The following ZDHHC15 variants were observed in gnomAD, a reference collection of about 807,000 sequenced individuals.
The protein encoded by ZDHHC15 is zDHHC palmitoyltransferase 15.
ZDHHC15 carries 19 observed loss-of-function variants against 31.7 expected under a neutral mutation model. The ratio of observed to expected loss-of-function variants is 0.60; its 90% CI spans 0.42 to 0.88. The LOEUF (loss-of-function observed/expected upper bound fraction) is 0.88. ZDHHC15 is among the 40% of genes least tolerant of loss of function. The probability of loss-of-function intolerance (pLI) is 0.00; values close to 1 mark genes in which losing one functional copy is unlikely to be tolerated. For missense variants in ZDHHC15, 209 were observed against 251.2 expected (o/e 0.83, Z 1.14); for synonymous variants, 103 against 90.0 (o/e 1.14, Z -0.82).
chrX:75,402,125 T>C (rs1332557388), intron 10 of ZDHHC15, among the ~76,000 whole-genome samples: 1 of 112,251 alleles, frequency 8.9e-6, no homozygotes, highest in Admixed American at 9.4e-5. Context: ...TTAAACAACA[T>C]GCTCCTGAAT....
At chrX:75,432,633 T>C (rs767718885) in intron 4 of ZDHHC15, among the ~76,000 whole-genome samples, 1 of 111,368 alleles carries the variant, frequency 9.0e-6, no homozygotes, top group Non-Finnish European at 1.9e-5. Context: ...TCTGCTTTCA[T>C]ACTTGCCCCT....
intron 4 of ZDHHC15, among the ~76,000 whole-genome samples, chrX:75,447,031 C>T (rs758608963): frequency 8.9e-6 from 1 of 112,013 alleles, no homozygotes; most frequent in Non-Finnish European, 1.9e-5. Flanking sequence ...AGTTACTGCC[C>T]AATGGGCTCA....
In ZDHHC15 at chrX:75,404,014, G is replaced by C. The variant is rs190384828; in HGVS notation, c.967+13073C>G. Among the ~76,000 whole-genome samples, 3 of 111,705 alleles carry C rather than the reference G, an allele frequency of 2.7e-5. No individual in the cohort carries two copies. In the East Asian group the frequency reaches 8.4e-4, roughly 31 times the overall value. ...ACAGTGACAAAAACAGCATAGTACT[G>C]GTACAAAAACAGGCACATAGACCAA... On this transcript the variant is annotated intron_variant, in intron 10 of 11. Coordinates refer to ENST00000373367, the MANE Select transcript of ZDHHC15 (RefSeq NM_144969.3).
At chrX:75,412,909 G>A (rs1382971411) in intron 10 of ZDHHC15, among the ~76,000 whole-genome samples, 2 of 111,749 alleles carry the variant, frequency 1.8e-5, no homozygotes, top group Non-Finnish European at 3.8e-5. Context: ...CCAGAGGCAG[G>A]CAGGGTTGGG....
chrX:75,507,948 T>C lies in ZDHHC15; in HGVS notation c.137-2101A>G, dbSNP rs57779423. Among the ~76,000 whole-genome samples the C allele has an allele frequency of 3.4e-3, 381 of 110,874 alleles. 4 individuals carry two copies. The highest frequency in any genetic ancestry group is 0.012 in the African/African-American group (363 of 30,585). Reference sequence around the variant, plus strand: ...AGTATACAAGTAGAAAAAGCCTAATTTGGGGCTAGATGGAAAAGGTAAAAA... The same window carrying C: ...AGTATACAAGTAGAAAAAGCCTAATCTGGGGCTAGATGGAAAAGGTAAAAA... On this transcript the variant is annotated intron_variant, in intron 1 of 11. Transcript: ENST00000373367.
chrX:75,451,402 G>A (rs1469293490), intron 3 of ZDHHC15, among the ~76,000 whole-genome samples: 1 of 112,214 alleles, frequency 8.9e-6, no homozygotes, highest in Admixed American at 9.5e-5. Context: ...TTGTAACATT[G>A]TCTGCATATT....
intron 2 of ZDHHC15, among the ~76,000 whole-genome samples, chrX:75,500,583 A>G (rs937217824): frequency 4.6e-5 from 5 of 109,601 alleles, no homozygotes; most frequent in African/African-American, 1.3e-4. Flanking sequence ...CAGTGTGAAG[A>G]TAACTGGAAA....
intron 9 of ZDHHC15, among the ~76,000 whole-genome samples, chrX:75,417,717 G>A (rs756172837): frequency 9.0e-6 from 1 of 111,490 alleles, no homozygotes; most frequent in Non-Finnish European, 1.9e-5. Context: ...AGATTTTCAG[G>A]GCAATTATCC....
intron 4 of ZDHHC15, among the ~76,000 whole-genome samples, chrX:75,435,943 T>C (rs1172470566): frequency 8.9e-6 from 1 of 112,070 alleles, no homozygotes; most frequent in Non-Finnish European, 1.9e-5. Flanking sequence ...GAGTGTCTGA[T>C]AGAATTCAGC....
intron 7 of ZDHHC15, among the ~76,000 whole-genome samples, chrX:75,427,209 T>C (rs2147856778): frequency 9.0e-6 from 1 of 111,414 alleles, no homozygotes; most frequent in African/African-American, 3.2e-5. Context: ...CTCTGAACTG[T>C]CAATGCCCTT....
In ZDHHC15 at chrX:75,369,205, A is replaced by T. The variant is rs752824087; in HGVS notation, c.*3773T>A. 1.2e-4 allele frequency: 13 copies of T among 112,295 alleles called. No individual in the cohort carries two copies. The highest frequency in any genetic ancestry group is 4.2e-4 in the African/African-American group (13 of 30,940). 9.3% of individuals were successfully genotyped at this position (112,295 alleles called of 1,213,427 possible). ...AATGTATAAATCTAATGTTCTTCAC[A>T]TGCTGTGTTTCTTAGACTCTTTTTC... On this transcript the variant is annotated 3_prime_UTR_variant, in exon 12 of 12. Coordinates refer to ENST00000373367, the MANE Select transcript of ZDHHC15 (RefSeq NM_144969.3).
chrX:75,518,054 G>A (rs1172534720), intron 1 of ZDHHC15, among the ~76,000 whole-genome samples: 5 of 111,047 alleles, frequency 4.5e-5, no homozygotes, highest in African/African-American at 1.6e-4. Flanking sequence ...AAATCCCACA[G>A]GGGTAAATCT....
rs41307250 is a variant in ZDHHC15 at position 75,373,405 on chromosome X, A to G, written c.*33-460T>C. Among the ~76,000 whole-genome samples, 455 of 111,517 alleles carry G rather than the reference A, an allele frequency of 4.1e-3. 3 individuals carry two copies. Among genetic ancestry groups the G allele is most frequent in the Non-Finnish European group, 5.3e-3 (281 of 53,061 alleles). On this transcript the variant is annotated intron_variant, in intron 11 of 11. Coordinates refer to ENST00000373367, the MANE Select transcript of ZDHHC15 (RefSeq NM_144969.3). Reference sequence around the variant, plus strand: ...AAATAATGTCAATGGATCCTAGTTTACTCATCTGTAAAACTGGTATAATAT... The same window carrying G: ...AAATAATGTCAATGGATCCTAGTTTGCTCATCTGTAAAACTGGTATAATAT...
At chrX:75,488,958 G>A (rs757633665) in intron 2 of ZDHHC15, among the ~76,000 whole-genome samples, 37 of 111,835 alleles carry the variant, frequency 3.3e-4, no homozygotes, top group Non-Finnish European at 6.2e-4. Flanking sequence ...TATATCCCAC[G>A]CCTGGTTCGG....
At chrX:75,437,102 T>C (rs1368818804) in intron 4 of ZDHHC15, among the ~76,000 whole-genome samples, 167 of 110,349 alleles carry the variant, frequency 1.5e-3, no homozygotes, top group Non-Finnish European at 1.8e-3. Context: ...AGGATGGTCT[T>C]GATCGCCTTA....
intron 2 of ZDHHC15, among the ~76,000 whole-genome samples, chrX:75,503,802 A>T (rs2085120497): frequency 9.0e-6 from 1 of 111,467 alleles, no homozygotes; most frequent in African/African-American, 3.3e-5. Flanking sequence ...ATTCTCTCAG[A>T]GTTCTGGAAG....
chrX:75,451,328 C>A (rs928391149), intron 3 of ZDHHC15, among the ~76,000 whole-genome samples: 3 of 111,916 alleles, frequency 2.7e-5, no homozygotes, highest in Non-Finnish European at 5.6e-5. Flanking sequence ...ACCATGCTTA[C>A]CAAGTTGCAA....
chrX:75,411,145 G>A (rs1034654408), intron 10 of ZDHHC15, among the ~76,000 whole-genome samples: 3 of 111,650 alleles, frequency 2.7e-5, no homozygotes, highest in African/African-American at 9.7e-5. Context: ...TATACAATTC[G>A]ATAGGAGAAA....
intron 1 of ZDHHC15, among the ~76,000 whole-genome samples, chrX:75,510,476 G>GT (rs373085476): frequency 0.13 from 6,963 of 52,916 alleles, 996 homozygotes; most frequent in East Asian, 0.83. Context: ...TGTTTCTTCT[G>GT]TTTTTTTTTT....
Sources: gnomAD v4.1 joint callset for allele counts (sites outside exome capture counted in the v4.1 genomes callset) on GRCh38, gnomAD v4.1.1 for gene constraint, MANE v1.5 for transcripts, NCBI Gene and HGNC (gene_info 2026-07-23, HGNC 2026-07-21) for gene names.